Variants in EVI5 observed in about 807,000 individuals in gnomAD.
EVI5 encodes the protein ecotropic viral integration site 5 protein homolog.
A neutral mutation model predicts 112.0 loss-of-function variants in EVI5; 73 were observed. That is an observed-to-expected ratio of 0.65 (90% CI 0.54 to 0.79). The LOEUF is 0.79. Ranked by LOEUF, EVI5 falls within the 30% of genes least tolerant of loss-of-function variation. The probability of loss-of-function intolerance (pLI) is 0.00; values close to 1 mark genes in which losing one functional copy is unlikely to be tolerated. For missense variants in EVI5, 900 were observed against 968.8 expected (o/e 0.93, Z 0.94); for synonymous variants, 305 against 319.9 (o/e 0.95, Z 0.50).
intron 18 of EVI5, among the ~76,000 whole-genome samples, chr1:92,603,111 A>G (rs1649541250): frequency 6.6e-6 from 1 of 152,232 alleles, no homozygotes; most frequent in East Asian, 1.9e-4. Context: ...AACATAGCTC[A>G]TCATTAGGGA....
intron 18 of EVI5, among the ~76,000 whole-genome samples, chr1:92,585,117 A>G (rs374965628): frequency 8.6e-5 from 13 of 151,748 alleles, no homozygotes; most frequent in African/African-American, 3.1e-4. Flanking sequence ...CCAGCTACTC[A>G]GGAGGCTGAG....
chr1:92,607,240 C>T (rs1412770130), intron 17 of EVI5, among the ~76,000 whole-genome samples: 4 of 152,114 alleles, frequency 2.6e-5, no homozygotes, highest in Non-Finnish European at 5.9e-5. Flanking sequence ...GAGCCCTAAC[C>T]TCTCTAAATG....
chr1:92,764,871 G>C (rs941060540), intron 1 of EVI5, among the ~76,000 whole-genome samples: 1 of 152,008 alleles, frequency 6.6e-6, no homozygotes, highest in South Asian at 2.1e-4. Flanking sequence ...CTGTGTATCC[G>C]AAATAAGTTT....
intron 16 of EVI5, 119 bp downstream of exon 16, chr1:92,624,057 C>T (rs560065008): frequency 1.7e-5 from 14 of 807,054 alleles, no homozygotes; most frequent in Admixed American, 2.6e-5. Flanking sequence ...TAGAAAACTG[C>T]GGTCTATACA....
intron 2 of EVI5, among the ~76,000 whole-genome samples, chr1:92,734,228 G>C (rs1419953585): frequency 6.6e-6 from 1 of 152,068 alleles, no homozygotes; most frequent in African/African-American, 2.4e-5. Context: ...AACTGCATTG[G>C]GGCATATTTC....
chr1:92,601,593 T>C (rs868728829), intron 18 of EVI5, among the ~76,000 whole-genome samples: 92 of 1,960 alleles, frequency 0.047, no homozygotes, highest in Non-Finnish European at 0.071. Context: ...TAAGTGAAAT[T>C]GAAATAAGCT....
chr1:92,611,734 G>T (rs1352137783), intron 16 of EVI5, among the ~76,000 whole-genome samples: 1 of 145,004 alleles, frequency 6.9e-6, no homozygotes, highest in Non-Finnish European at 1.5e-5. Flanking sequence ...GACAGATTTA[G>T]AATGCAGGAT....
chr1:92,590,379 C>G (rs1052106369), intron 18 of EVI5, among the ~76,000 whole-genome samples: 2 of 152,024 alleles, frequency 1.3e-5, no homozygotes, highest in Admixed American at 1.3e-4. Context: ...AAAGATTGGA[C>G]AAATGGTTAA....
At chr1:92,562,525 G>A (rs185348919) in intron 19 of EVI5, among the ~76,000 whole-genome samples, 4 of 151,654 alleles carry the variant, frequency 2.6e-5, no homozygotes, top group East Asian at 1.9e-4. Context: ...GCGAGACTCC[G>A]TCTAAAAAAA....
chr1:92,528,764 T>G (rs1662350288), intron 19 of EVI5, among the ~76,000 whole-genome samples: 1 of 152,142 alleles, frequency 6.6e-6, no homozygotes, highest in Non-Finnish European at 1.5e-5. Flanking sequence ...ATGTTAGAAG[T>G]CAGGAAAATG....
intron 2 of EVI5, among the ~76,000 whole-genome samples, chr1:92,710,420 C>T: frequency 6.6e-6 from 1 of 152,104 alleles, no homozygotes; most frequent in Non-Finnish European, 1.5e-5. Flanking sequence ...TAATCTCCTT[C>T]TAACACAAGA....
intron 10 of EVI5, among the ~76,000 whole-genome samples, chr1:92,675,466 G>T (rs1009005520): frequency 4.6e-5 from 7 of 152,064 alleles, no homozygotes; most frequent in Non-Finnish European, 8.8e-5. Context: ...CAAGAGTAAG[G>T]ATTGTTCATA....
chr1:92,710,684 TTAGAG>T (rs1222117018), intron 2 of EVI5, among the ~76,000 whole-genome samples: 1 of 151,630 alleles, frequency 6.6e-6, no homozygotes, highest in Non-Finnish European at 1.5e-5. Context: ...CAGGTTTCTC[TTAGAG>T]TAGCTCCTGA....
intron 13 of EVI5, among the ~76,000 whole-genome samples, chr1:92,660,646 G>A (rs536143862): frequency 1.6e-4 from 25 of 151,898 alleles, no homozygotes; most frequent in Admixed American, 7.2e-4. Flanking sequence ...GATTTGATGT[G>A]TCAATTAAAA....
intron 19 of EVI5, among the ~76,000 whole-genome samples, chr1:92,524,687 C>A (rs769467046): frequency 1.3e-5 from 2 of 152,162 alleles, no homozygotes; most frequent in South Asian, 4.1e-4. Flanking sequence ...CTTTTCTTTT[C>A]TTCTTCCTAC....
At chr1:92,606,904 ACACACACACACACACACACCCC>A (rs1371842967) in intron 17 of EVI5, among the ~76,000 whole-genome samples, 8 of 99,742 alleles carry the variant, frequency 8.0e-5, no homozygotes, top group African/African-American at 2.8e-4. Flanking sequence ...ACACACACAC[ACACACACACACACACACACCCC>A]CCCAAACCCT....
chr1:92,551,650 A>G (rs1666956658), intron 19 of EVI5, among the ~76,000 whole-genome samples: 1 of 152,214 alleles, frequency 6.6e-6, no homozygotes, highest in Non-Finnish European at 1.5e-5. Flanking sequence ...AAATGGTTTT[A>G]GATGTTTATA....
chr1:92,636,101 G>A, intron 14 of EVI5, 101 bp downstream of exon 14: 1 of 948,054 alleles, frequency 1.1e-6, no homozygotes, highest in Non-Finnish European at 1.6e-6. Context: ...GGCTTCTAAT[G>A]TATAAAAACA....
At chr1:92,783,462 C>T (rs1248903903) in intron 1 of EVI5, among the ~76,000 whole-genome samples, 1 of 109,422 alleles carries the variant, frequency 9.1e-6, no homozygotes, top group Non-Finnish European at 1.7e-5. Context: ...CCAGCCTAGG[C>T]AACAGAGTGA....
Sources: gnomAD v4.1 joint callset for allele counts (sites outside exome capture counted in the v4.1 genomes callset) on GRCh38, gnomAD v4.1.1 for gene constraint, MANE v1.5 for transcripts, NCBI Gene and HGNC (gene_info 2026-07-23, HGNC 2026-07-21) for gene names.